NBPF19: variants seen among roughly 807,000 people sequenced by gnomAD.
The protein encoded by NBPF19 is NBPF member 19, also known as NBPF family member NBPF19.
Under a neutral mutation model 45.9 loss-of-function variants are expected in NBPF19, and 30 were observed. The ratio of observed to expected loss-of-function variants is 0.65; its 90% CI spans 0.49 to 0.89. The LOEUF (loss-of-function observed/expected upper bound fraction) is 0.89, where lower values mean the gene tolerates loss of function less well. Ranked by LOEUF, NBPF19 falls within the 40% of genes least tolerant of loss-of-function variation. The pLI is 0.00. For missense variants in NBPF19, 495 were observed against 471.8 expected (o/e 1.05, Z -0.46); for synonymous variants, 183 against 181.2 (o/e 1.01, Z -0.08).
rs1193186058 is a variant in NBPF19 at position 149,556,015 on chromosome 1, G to T, written c.*1277G>T. On this transcript the variant is annotated 3_prime_UTR_variant, in exon 94 of 94. Transcript: ENST00000651566. ...GTACTTGGGAAAGCGGTTTTCAAGA[G>T]TATAAATATCCTGTATTCTAATGAT... is the stretch of plus-strand genomic sequence containing the variant. 1 of 143,828 alleles carries T rather than the reference G, an allele frequency of 7.0e-6. No homozygotes were observed. Among genetic ancestry groups the T allele is most frequent in the South Asian group, 2.3e-4 (1 of 4,274 alleles). 8.9% of individuals were successfully genotyped at this position (143,828 alleles called of 1,614,324 possible).
At position 149,483,626 on chromosome 1, in the gene NBPF19, C is replaced by G. The variant is rs1394132045; in HGVS notation, c.824+1400C>G. Among the ~76,000 whole-genome samples, 9 of 149,812 alleles carry G rather than the reference C, an allele frequency of 6.0e-5. No homozygotes were observed. In the East Asian group the frequency reaches 1.6e-3, roughly 26 times the overall value. On this transcript the variant is annotated intron_variant, in intron 7 of 93. Transcript: ENST00000651566. ...AGTTGATGCAGTTTCTTCCTAGCGTCAATGGTCTTTACAGTTTGGCATGTT... is the reference window on the plus strand; with the variant it reads ...AGTTGATGCAGTTTCTTCCTAGCGTGAATGGTCTTTACAGTTTGGCATGTT...
intron 9 of NBPF19, among the ~76,000 whole-genome samples, 187 bp from the exon 10 acceptor site, chr1:149,487,826 T>C: frequency 6.8e-6 from 1 of 148,014 alleles, no homozygotes; most frequent in African/African-American, 2.5e-5. Flanking sequence ...TGTGTGTGTC[T>C]TTCTCGTTCA....
In NBPF19 at chr1:149,487,287, A is replaced by G; in HGVS notation, c.989-45A>G. Reference sequence around the variant, plus strand: ...TGGACAGAGGAATGTTTCTGTGTGCAAGGAAGAACTTAATGTAAGAGGGCC... The same window carrying G: ...TGGACAGAGGAATGTTTCTGTGTGCGAGGAAGAACTTAATGTAAGAGGGCC... On this transcript the variant is annotated intron_variant, in intron 8 of 93. Coordinates refer to ENST00000651566, the MANE Select transcript of NBPF19 (RefSeq NM_001351365.2). 4.9e-6 allele frequency: 7 copies of G among 1,416,184 alleles called. 1 individual carries two copies. The highest frequency in any genetic ancestry group is 6.9e-6 in the Non-Finnish European group (7 of 1,014,162). The allele number at this position is 1,416,184 out of a possible 1,614,324, so 87.7% of individuals were successfully genotyped here. A position where few individuals can be genotyped will look rare whatever the true frequency, so the allele number is the denominator to read the frequency against.
Position 149,480,148 on chromosome 1 carries a change from A to G in NBPF19, c.500A>G (p.Asp167Gly). Residue 167 changes from aspartate to glycine, a missense_variant, in exon 5 of 94, where the codon GAC (aspartate) becomes GGC (glycine). This residue lies in a region of NBPF19 where 13 missense variants were observed against 20.8 expected (regional missense o/e 0.62). Transcript: ENST00000651566. Reference sequence around the variant, plus strand: ...AACACTTCTGTATTTACAGAAAATGACAACGATGACGATGAAGATGTTCAA... The same window carrying G: ...AACACTTCTGTATTTACAGAAAATGGCAACGATGACGATGAAGATGTTCAA... ...HLVQKLSPEN[D>G]NDDDEDVQVE... 1.3e-6 allele frequency: 1 copy of G among 780,372 alleles called. No homozygotes were observed. The highest frequency in any genetic ancestry group is 2.2e-6 in the Non-Finnish European group (1 of 448,072). The allele number at this position is 780,372 out of a possible 1,614,324, so 48.3% of individuals were successfully genotyped here.
intron 8 of NBPF19, among the ~76,000 whole-genome samples, chr1:149,486,735 G>GA (rs1292623796): frequency 1.3e-4 from 19 of 151,364 alleles, no homozygotes; most frequent in Admixed American, 4.6e-4. Flanking sequence ...ACCTCTCAGT[G>GA]AAAGATGTGA....
chr1:149,515,129 G>A lies in NBPF19; in HGVS notation c.5323+21G>A. On this transcript the variant is annotated intron_variant, in intron 44 of 93. Coordinates refer to ENST00000651566, the MANE Select transcript of NBPF19 (RefSeq NM_001351365.2). ...GGGAGGTGAGTACCTTTCTATGAAGGTGATAAGCACCACTGAGTCTTCCAT... is the reference window on the plus strand; with the variant it reads ...GGGAGGTGAGTACCTTTCTATGAAGATGATAAGCACCACTGAGTCTTCCAT... 3.0e-6 allele frequency: 3 copies of A among 1,002,062 alleles called. 1 individual carries two copies. The highest frequency in any genetic ancestry group is 4.6e-6 in the Non-Finnish European group (3 of 656,554). The allele number at this position is 1,002,062 out of a possible 1,614,324, so 62.1% of individuals were successfully genotyped here.
chr1:149,488,130 A>C lies in NBPF19; in HGVS notation c.1158A>C (p.Arg386Ser). The change falls in exon 10 of 94, where the codon AGA becomes AGC. Residue 386 changes from arginine to serine, a missense_variant. By Grantham distance (110) the Arg-to-Ser change is moderately radical. Coordinates refer to ENST00000651566, the MANE Select transcript of NBPF19 (RefSeq NM_001351365.2). Reference protein sequence around the residue: ...LELTDSCQPYRSAFYVLEQQR... With the variant: ...LELTDSCQPYSSAFYVLEQQR... ...TGACTGACTCATGCCAGCCCTACAG[A>C]AGTGCCTTTTACGTATTGGAGCAAC... 1.5e-6 allele frequency: 1 copy of C among 674,508 alleles called. No homozygotes were observed. Among genetic ancestry groups the C allele is most frequent in the South Asian group, 1.6e-5 (1 of 61,656 alleles). 41.8% of individuals were successfully genotyped at this position (674,508 alleles called of 1,614,324 possible).
At position 149,486,309 on chromosome 1, in the gene NBPF19, T is replaced by C; in HGVS notation, c.988+16T>C. The stretch of plus-strand genomic sequence containing the variant: ...GACATAGGCAGTGAGTACTCCATTG[T>C]GAAGGTGATAAAGCTCCAGTTCATG... On this transcript the variant is annotated intron_variant, in intron 8 of 93. Coordinates refer to ENST00000651566, the MANE Select transcript of NBPF19 (RefSeq NM_001351365.2). 1 of 600,818 alleles carries C rather than the reference T, an allele frequency of 1.7e-6. No homozygotes were observed. The highest frequency in any genetic ancestry group is 3.0e-6 in the Non-Finnish European group (1 of 338,164). 37.2% of individuals were successfully genotyped at this position (600,818 alleles called of 1,614,324 possible).
Position 149,554,726 on chromosome 1 carries a change from A to C in NBPF19, c.11520A>C (p.Ile3840=). Residue 3840 remains isoleucine, a synonymous_variant, in exon 94 of 94, where the codon ATA becomes ATC. Coordinates refer to ENST00000651566, the MANE Select transcript of NBPF19 (RefSeq NM_001351365.2). ...SLHLVFQMLV[I]FPQ is the part of the protein sequence containing the mutation. ...ATCTGGTGTTCCAGATGTTAGTCAT[A>C]TTCCCACAATAGGCAGCCCTTACTA... is the stretch of plus-strand genomic sequence containing the variant. 3.7e-6 allele frequency: 6 copies of C among 1,608,142 alleles called. No individual in the cohort carries two copies. The highest frequency in any genetic ancestry group is 4.2e-6 in the Non-Finnish European group (5 of 1,176,646).
intron 3 of NBPF19, 48 bp from the exon 4 acceptor site, chr1:149,478,832 T>A: frequency 6.9e-7 from 1 of 1,457,660 alleles, no homozygotes; most frequent in Non-Finnish European, 9.6e-7. Flanking sequence ...TTTGAACGGA[T>A]CACTCAACCC....
Position 149,520,655 on chromosome 1 carries a change from G to A in NBPF19, c.6136G>A (p.Glu2046Lys), listed in dbSNP as rs2086672156. ...AAGAAGAAGGGGAAGAAAAGAAGGGGAAGAAGATCAAAACCCACCATGCCC... is the reference window on the plus strand; with the variant it reads ...AAGAAGAAGGGGAAGAAAAGAAGGGAAAGAAGATCAAAACCCACCATGCCC... ...KERRRGRKEG[E>K]EDQNPPCPRL... Residue 2046 changes from glutamate to lysine, a missense_variant, in exon 51 of 94, where the codon GAA becomes AAA. Coordinates refer to ENST00000651566, the MANE Select transcript of NBPF19 (RefSeq NM_001351365.2). 1 of 26,284 alleles carries A rather than the reference G, an allele frequency of 3.8e-5. No individual in the cohort carries two copies. Among genetic ancestry groups the A allele is most frequent in the Admixed American group, 5.6e-4 (1 of 1,788 alleles). The allele number at this position is 26,284 out of a possible 1,614,324, so 1.6% of individuals were successfully genotyped here.
chr1:149,490,544 C>G, intron 13 of NBPF19, 50 bp downstream of exon 13: 1 of 79,460 alleles, frequency 1.3e-5, no homozygotes, highest in Non-Finnish European at 2.1e-5. Context: ...TCTGGAGACT[C>G]CTGGTTCAGG....
chr1:149,488,017 A>C lies in NBPF19; in HGVS notation c.1045A>C (p.Ser349Arg), dbSNP rs1275107680. The change falls in exon 10 of 94, where the codon AGC (serine) becomes CGC (arginine). Residue 349 changes from serine to arginine, a missense_variant. Ser to Arg is a moderately radical substitution (Grantham distance 110, BLOSUM62 -1). Transcript: ENST00000651566. ...EDQEATGPRL[S>R]RELLDEKGPE... ...TACTTTTTCCCACTTTTCCAGGCTCAGCAGGGAGCTGCTGGATGAGAAAGG... is the reference window on the plus strand; with the variant it reads ...TACTTTTTCCCACTTTTCCAGGCTCCGCAGGGAGCTGCTGGATGAGAAAGG... 1.5e-5 allele frequency: 10 copies of C among 687,754 alleles called. No homozygotes were observed. Among genetic ancestry groups the C allele is most frequent in the Non-Finnish European group, 2.1e-5 (8 of 375,786 alleles). 42.6% of individuals were successfully genotyped at this position (687,754 alleles called of 1,614,324 possible). A position where few individuals can be genotyped will look rare whatever the true frequency, so the allele number is the denominator to read the frequency against.
At position 149,554,584 on chromosome 1, in the gene NBPF19, A is replaced by G. The variant is rs1402469446; in HGVS notation, c.11378A>G (p.Glu3793Gly). 2.5e-6 allele frequency: 4 copies of G among 1,608,130 alleles called. No individual in the cohort carries two copies. In the East Asian group the frequency reaches 6.7e-5, roughly 27 times the overall value. Residue 3793 changes from glutamate to glycine, a missense_variant, in exon 94 of 94, where the codon GAA (glutamate) becomes GGA (glycine). Physicochemically the swap from Glu to Gly is moderately conservative, Grantham distance 98 (BLOSUM62 -2). This residue lies in a region of NBPF19 where 248 missense variants were observed against 95.4 expected (regional missense o/e 2.60). Coordinates refer to ENST00000651566, the MANE Select transcript of NBPF19 (RefSeq NM_001351365.2). Reference protein sequence around the residue: ...GCYSTPSMYFELPDSFQHYRS... With the variant: ...GCYSTPSMYFGLPDSFQHYRS... ...TATTCGACTCCGTCAATGTACTTTGAACTACCTGACTCATTCCAGCACTAC... is the reference window on the plus strand; with the variant it reads ...TATTCGACTCCGTCAATGTACTTTGGACTACCTGACTCATTCCAGCACTAC...
At chr1:149,483,495 C>A (rs2085326359) in intron 7 of NBPF19, among the ~76,000 whole-genome samples, 1 of 130,722 alleles carries the variant, frequency 7.6e-6, no homozygotes, top group African/African-American at 2.9e-5. Flanking sequence ...ATTTGCCATT[C>A]TGTGTTTTTT....
Position 149,478,792 on chromosome 1 carries a change from G to T in NBPF19, c.279-88G>T. The T allele has an allele frequency of 2.3e-6, 3 of 1,314,158 alleles. 1 individual carries two copies. The highest frequency in any genetic ancestry group is 3.3e-6 in the Non-Finnish European group (3 of 908,780). The allele number at this position is 1,314,158 out of a possible 1,614,324, so 81.4% of individuals were successfully genotyped here. A position where few individuals can be genotyped will look rare whatever the true frequency, so the allele number is the denominator to read the frequency against. Reference sequence around the variant, plus strand: ...CCTTCTGCTTGGAGGTCTCCTTGAGGACATTGTCTCAGAAGTCTCTGTTGC... The same window carrying T: ...CCTTCTGCTTGGAGGTCTCCTTGAGTACATTGTCTCAGAAGTCTCTGTTGC... On this transcript the variant is annotated intron_variant, in intron 3 of 93. Coordinates refer to ENST00000651566, the MANE Select transcript of NBPF19 (RefSeq NM_001351365.2).
At chr1:149,487,869 A>G in intron 9 of NBPF19, 144 bp from the exon 10 acceptor site, 2 of 713,406 alleles carry the variant, frequency 2.8e-6, no homozygotes, top group East Asian at 2.7e-5. Context: ...CTATCCCAAC[A>G]TAAAGGCAAT....
Position 149,554,599 on chromosome 1 carries a change from T to A in NBPF19, c.11393T>A (p.Phe3798Tyr). ...PSMYFELPDS[F>Y]QHYRSVFYSF... is the part of the protein sequence containing the mutation. ...ATGTACTTTGAACTACCTGACTCAT[T>A]CCAGCACTACAGAAGTGTGTTTTAC... Residue 3798 changes from phenylalanine (F) to tyrosine (Y), a missense_variant, in exon 94 of 94, where the codon TTC becomes TAC. Transcript: ENST00000651566. The A allele has an allele frequency of 1.2e-6, 2 of 1,608,312 alleles. No individual in the cohort carries two copies. Among genetic ancestry groups the A allele is most frequent in the South Asian group, 2.2e-5 (2 of 90,890 alleles).
intron 10 of NBPF19, among the ~76,000 whole-genome samples, 179 bp from the exon 11 acceptor site, chr1:149,488,726 G>T (rs2085786802): frequency 4.7e-4 from 3 of 6,428 alleles, no homozygotes; most frequent in Non-Finnish European, 3.3e-4. Flanking sequence ...CAGTTTCTGG[G>T]ACAAAAACCA....
Sources: gnomAD v4.1 joint callset for allele counts (sites outside exome capture counted in the v4.1 genomes callset) on GRCh38, gnomAD v4.1.1 for gene constraint, gnomAD v4.1.1 regional missense constraint, MANE v1.5 for transcripts, NCBI Gene and HGNC (gene_info 2026-07-23, HGNC 2026-07-21) for gene names.